The following ROBO2 variants were observed in gnomAD, a reference collection of about 807,000 sequenced individuals.
The protein encoded by ROBO2 is roundabout guidance receptor 2, also known as roundabout homolog 2.
In ROBO2, 53 loss-of-function variants were observed where a neutral mutation model predicts 160.8. The observed-to-expected ratio is 0.33, with a 90% CI of 0.26 to 0.41. The LOEUF (loss-of-function observed/expected upper bound fraction) is 0.41. Ranked by LOEUF, ROBO2 falls within the 10% of genes least tolerant of loss-of-function variation. ROBO2 has a pLI of 1.00. For missense variants in ROBO2, 1,577 were observed against 1,722.4 expected (o/e 0.92, Z 1.49); for synonymous variants, 664 against 611.7 (o/e 1.09, Z -1.26).
intron 2 of ROBO2, among the ~76,000 whole-genome samples, chr3:77,215,589 A>T (rs1244510675): frequency 1.3e-5 from 2 of 152,140 alleles, no homozygotes; most frequent in African/African-American, 4.8e-5. Context: ...CGTCAAAGTC[A>T]TTCTCTGTCC....
At chr3:77,167,069 C>T (rs2079166953) in intron 2 of ROBO2, among the ~76,000 whole-genome samples, 1 of 152,194 alleles carries the variant, frequency 6.6e-6, no homozygotes, top group Non-Finnish European at 1.5e-5. Context: ...AAAATCTTGT[C>T]TACCAGCTCT....
intron 2 of ROBO2, among the ~76,000 whole-genome samples, chr3:76,898,953 G>A (rs1353134401): frequency 6.6e-6 from 1 of 152,114 alleles, no homozygotes; most frequent in African/African-American, 2.4e-5. Flanking sequence ...CAAGAACACA[G>A]CCCCTTCCTT....
At chr3:77,367,160 G>A (rs1247810631) in intron 2 of ROBO2, among the ~76,000 whole-genome samples, 1 of 151,988 alleles carries the variant, frequency 6.6e-6, no homozygotes, top group Non-Finnish European at 1.5e-5. Flanking sequence ...ACCACTCATT[G>A]GAACTGCAAG....
chr3:76,434,320 T>A (rs760885478), intron 2 of ROBO2: 8 of 1,149,574 alleles, frequency 7.0e-6, no homozygotes, highest in Non-Finnish European at 1.1e-5. Context: ...TTGGCACCCA[T>A]CTCAGAGCAG....
At chr3:77,348,135 C>T (rs775248628) in intron 2 of ROBO2, among the ~76,000 whole-genome samples, 1 of 151,986 alleles carries the variant, frequency 6.6e-6, no homozygotes, top group Non-Finnish European at 1.5e-5. Flanking sequence ...GTTCTTGGAT[C>T]TTGAGCAAGA....
At chr3:76,347,108 A>G (rs895367533) in intron 2 of ROBO2, among the ~76,000 whole-genome samples, 2 of 152,138 alleles carry the variant, frequency 1.3e-5, no homozygotes, top group Admixed American at 6.5e-5. Context: ...GCTGGGAATT[A>G]GATTTGTTTT....
intron 2 of ROBO2, among the ~76,000 whole-genome samples, chr3:76,915,369 T>C (rs1032103587): frequency 3.3e-5 from 5 of 151,928 alleles, no homozygotes; most frequent in African/African-American, 9.7e-5. Context: ...AGCTTAAAGA[T>C]TGAGAAGCTG....
intron 2 of ROBO2, among the ~76,000 whole-genome samples, chr3:76,953,800 G>C (rs9883796): frequency 0.075 from 11,333 of 152,116 alleles, 1,422 homozygotes; most frequent in African/African-American, 0.26. Flanking sequence ...TCACTTAAAA[G>C]ACCATATGTT....
intron 2 of ROBO2, among the ~76,000 whole-genome samples, chr3:77,164,180 G>A (rs1489209976): frequency 6.6e-6 from 1 of 152,120 alleles, no homozygotes; most frequent in African/African-American, 2.4e-5. Flanking sequence ...TCTTGTAGCT[G>A]GGTACGAATC....
chr3:76,551,742 T>C (rs907734549), intron 2 of ROBO2, among the ~76,000 whole-genome samples: 11 of 152,220 alleles, frequency 7.2e-5, no homozygotes, highest in African/African-American at 2.6e-4. Context: ...GTGCCCACAG[T>C]GGAAGCTGCC....
At chr3:76,715,421 A>G (rs975772179) in intron 2 of ROBO2, among the ~76,000 whole-genome samples, 1 of 152,206 alleles carries the variant, frequency 6.6e-6, no homozygotes, top group African/African-American at 2.4e-5. Flanking sequence ...CAGAAAAATG[A>G]AAATCTTAAA....
At chr3:76,754,454 C>A (rs979562470) in intron 2 of ROBO2, among the ~76,000 whole-genome samples, 7 of 151,932 alleles carry the variant, frequency 4.6e-5, no homozygotes, top group African/African-American at 1.7e-4. Context: ...TGTGATTTCC[C>A]CAGTCTTGCT....
intron 2 of ROBO2, among the ~76,000 whole-genome samples, chr3:77,180,416 C>CTCTCTCTCTCTATTTATATATATATATA (rs1433740534): frequency 1.1e-5 from 1 of 90,708 alleles, no homozygotes; most frequent in East Asian, 2.8e-4. Flanking sequence ...CTCTCTCTCT[C>CTCTCTCTCTCTATTTATATATATATATA]TATATATATA....
intron 5 of ROBO2, among the ~76,000 whole-genome samples, chr3:77,495,177 T>C (rs1164078274): frequency 6.6e-6 from 1 of 152,222 alleles, no homozygotes; most frequent in Non-Finnish European, 1.5e-5. Flanking sequence ...ATTAATTCTA[T>C]AGTAAAATTT....
At chr3:76,857,416 A>G (rs1302290641) in intron 2 of ROBO2, among the ~76,000 whole-genome samples, 1 of 152,196 alleles carries the variant, frequency 6.6e-6, no homozygotes, top group Non-Finnish European at 1.5e-5. Flanking sequence ...AGAAAAATCT[A>G]ACAGATTAGA....
chr3:76,417,031 T>C (rs1367732652), intron 2 of ROBO2, among the ~76,000 whole-genome samples: 1 of 152,246 alleles, frequency 6.6e-6, no homozygotes, highest in Non-Finnish European at 1.5e-5. Context: ...CCTGCTGTGC[T>C]GGCTATTCAG....
At chr3:75,951,835 A>C (rs916862047) in intron 2 of ROBO2, among the ~76,000 whole-genome samples, 2 of 152,094 alleles carry the variant, frequency 1.3e-5, no homozygotes, top group Admixed American at 1.3e-4. Flanking sequence ...TTTTGAACAA[A>C]TTTTTATCTG....
At chr3:77,149,820 T>G (rs1163438966) in intron 2 of ROBO2, among the ~76,000 whole-genome samples, 1 of 151,868 alleles carries the variant, frequency 6.6e-6, no homozygotes, top group Non-Finnish European at 1.5e-5. Context: ...GCTTTTGTGA[T>G]TCCATTGTCC....
intron 2 of ROBO2, among the ~76,000 whole-genome samples, chr3:77,391,045 C>T (rs1426759477): frequency 6.6e-6 from 1 of 152,048 alleles, no homozygotes; most frequent in Non-Finnish European, 1.5e-5. Context: ...AAGTTCACTG[C>T]ATCCCCCTCA....
Sources: allele counts gnomAD v4.1 joint callset (sites outside exome capture counted in the v4.1 genomes callset), GRCh38; gene constraint gnomAD v4.1.1; transcripts MANE v1.5; gene names NCBI Gene and HGNC (gene_info 2026-07-23, HGNC 2026-07-21).